The following CLIC5 variants were observed in gnomAD, a reference collection of about 807,000 sequenced individuals.
CLIC5 encodes CLIC family member 5.
In CLIC5, 20 loss-of-function variants were observed where a neutral mutation model predicts 24.7. The observed-to-expected ratio is 0.81, with a 90% CI of 0.57 to 1.18. CLIC5 has a LOEUF of 1.18. Among genes scored for constraint, CLIC5 ranks in the 50% most tolerant of loss-of-function variants. The pLI is 0.00. For synonymous variants in CLIC5, 159 were observed against 135.6 expected (o/e 1.17, Z -1.20); for missense variants, 341 against 326.1 (o/e 1.05, Z -0.35).
chr6:45,881,799 C>T (rs952422394), intron 6 of CLIC5, among the ~76,000 whole-genome samples: 5 of 152,126 alleles, frequency 3.3e-5, no homozygotes, highest in African/African-American at 1.2e-4. Flanking sequence ...CCTTCCACCC[C>T]AGGCTGCCCT....
In CLIC5 at chr6:45,888,891, A is replaced by G. The variant is rs79730039; in HGVS notation, c.624-7703T>C. 1.3e-3 allele frequency among the ~76,000 whole-genome samples: 199 copies of G among 152,334 alleles called. 3 individuals carry two copies. The East Asian group carries it at 0.032, about 25-fold the overall frequency. On this transcript the variant is annotated intron_variant, in intron 6 of 6. Coordinates refer to the CLIC5 transcript ENST00000644324. ...AAGTGGTAGCATGACATCTATTTAT[A>G]TGAGTATAAAATGAGGTATGTACAT...
chr6:46,016,552 CT>C (rs1347318118), upstream of CLIC5, among the ~76,000 whole-genome samples: 10 of 152,210 alleles, frequency 6.6e-5, no homozygotes, highest in Admixed American at 5.9e-4. Flanking sequence ...CTATTTCTTC[CT>C]TTATTTTCTG....
At chr6:46,010,079 C>T (rs1415062210) in intron 1 of CLIC5, among the ~76,000 whole-genome samples, 1 of 152,126 alleles carries the variant, frequency 6.6e-6, no homozygotes, top group Non-Finnish European at 1.5e-5. Flanking sequence ...GGGGTCAGCT[C>T]CAACAATCGG....
chr6:46,124,248 G>A, the CLIC5 span, among the ~76,000 whole-genome samples: 2 of 152,118 alleles, frequency 1.3e-5, no homozygotes, highest in Non-Finnish European at 2.9e-5. Flanking sequence ...TAGACCAATG[G>A]AACAGAACAG....
At chr6:46,078,230 C>T (rs751100088) in intron 1 of CLIC5, among the ~76,000 whole-genome samples, 2 of 152,112 alleles carry the variant, frequency 1.3e-5, no homozygotes, top group Non-Finnish European at 2.9e-5. Context: ...CCAGGTGGCA[C>T]ATGCCTGTAA....
chr6:46,107,829 A>G, the CLIC5 span, among the ~76,000 whole-genome samples: 2 of 152,284 alleles, frequency 1.3e-5, no homozygotes, highest in South Asian at 4.1e-4. Flanking sequence ...TGAGGTTGGG[A>G]GTTCAAGACC....
intron 4 of CLIC5, among the ~76,000 whole-genome samples, chr6:45,926,504 C>A (rs1472821785): frequency 1.3e-5 from 2 of 151,912 alleles, no homozygotes; most frequent in Admixed American, 6.5e-5. Context: ...GATCCGCCCC[C>A]CTCGGCTTCC....
upstream of CLIC5, among the ~76,000 whole-genome samples, chr6:46,081,995 T>A (rs1224277518): frequency 6.6e-6 from 1 of 152,248 alleles, no homozygotes; most frequent in Non-Finnish European, 1.5e-5. Context: ...GTTTGCATAT[T>A]GTATATACAT....
chr6:46,019,435 C>T (rs1767110749), upstream of CLIC5, among the ~76,000 whole-genome samples: 4 of 151,990 alleles, frequency 2.6e-5, no homozygotes, highest in South Asian at 8.3e-4. Context: ...GCCTGTAATC[C>T]CAGCACTTTG....
chr6:46,095,272 C>T, the CLIC5 span, among the ~76,000 whole-genome samples: 1 of 152,210 alleles, frequency 6.6e-6, no homozygotes, highest in Non-Finnish European at 1.5e-5. Context: ...TGGATATTAG[C>T]ACTTGGCTCC....
At chr6:45,929,560 C>A (rs1219004019) in intron 4 of CLIC5, among the ~76,000 whole-genome samples, 2 of 152,236 alleles carry the variant, frequency 1.3e-5, no homozygotes, top group Non-Finnish European at 2.9e-5. Context: ...CCTGAAGGGT[C>A]CCTTTGTGAC....
At chr6:45,957,784 C>T (rs79580941) in intron 1 of CLIC5, among the ~76,000 whole-genome samples, 2,885 of 152,268 alleles carry the variant, frequency 0.019, 58 homozygotes, top group South Asian at 0.024. Flanking sequence ...CTTCAAATCC[C>T]AACAGCCTTG....
chr6:46,017,690 A>C (rs1435608466), upstream of CLIC5, among the ~76,000 whole-genome samples: 1 of 152,098 alleles, frequency 6.6e-6, no homozygotes, highest in Non-Finnish European at 1.5e-5. Context: ...TGAATTGGGA[A>C]GATGAAGGAG....
chr6:46,047,724 C>T (rs1435404925), intron 1 of CLIC5, among the ~76,000 whole-genome samples: 1 of 152,140 alleles, frequency 6.6e-6, no homozygotes, highest in African/African-American at 2.4e-5. Context: ...TACTAAAAGT[C>T]AATGTTGATT....
chr6:46,056,910 T>C (rs1768275782), intron 1 of CLIC5, among the ~76,000 whole-genome samples: 1 of 152,160 alleles, frequency 6.6e-6, no homozygotes, highest in Non-Finnish European at 1.5e-5. Flanking sequence ...TTGAAAACCC[T>C]CCTCACCCCC....
At chr6:45,922,472 C>A (rs1763301564) in intron 4 of CLIC5, among the ~76,000 whole-genome samples, 1 of 152,126 alleles carries the variant, frequency 6.6e-6, no homozygotes, top group Non-Finnish European at 1.5e-5. Context: ...CACAAATCAC[C>A]CTTATATTTG....
At chr6:45,916,660 A>G (rs1037374292) in intron 4 of CLIC5, among the ~76,000 whole-genome samples, 8 of 152,206 alleles carry the variant, frequency 5.3e-5, no homozygotes, top group African/African-American at 1.9e-4. Context: ...GGTCTGGGAA[A>G]TATCATGAAA....
At chr6:46,068,496 G>A (rs1014363302) in intron 1 of CLIC5, among the ~76,000 whole-genome samples, 2 of 152,062 alleles carry the variant, frequency 1.3e-5, no homozygotes, top group African/African-American at 4.8e-5. Context: ...GAGAATGGAG[G>A]CAGATCTTCC....
chr6:45,955,390 G>T, intron 1 of CLIC5, 146 bp from the exon 2 acceptor site: 1 of 586,380 alleles, frequency 1.7e-6, no homozygotes, highest in Non-Finnish European at 3.0e-6. Flanking sequence ...GATATTATTA[G>T]TTTTTGCCTT....
Sources: allele counts gnomAD v4.1 joint callset (sites outside exome capture counted in the v4.1 genomes callset), GRCh38; gene constraint gnomAD v4.1.1; transcripts MANE v1.5; gene names NCBI Gene and HGNC (gene_info 2026-07-23, HGNC 2026-07-21).